GON4L: variants seen among roughly 807,000 people sequenced by gnomAD.
GON4L encodes GON-4-like protein.
Under a neutral mutation model 211.8 loss-of-function variants are expected in GON4L, and 87 were observed. The observed-to-expected ratio is 0.41, with a 90% CI of 0.35 to 0.49. The LOEUF (loss-of-function observed/expected upper bound fraction) is 0.49, where lower values mean the gene tolerates loss of function less well. GON4L is among the 20% of genes least tolerant of loss of function. The probability of loss-of-function intolerance (pLI) is 0.15; values close to 1 mark genes in which losing one functional copy is unlikely to be tolerated. For missense variants in GON4L, 2,155 were observed against 2,659.5 expected (o/e 0.81, Z 4.17); for synonymous variants, 875 against 962.6 (o/e 0.91, Z 1.68).
At chr1:155,769,582 T>C (rs1662960258) in intron 19 of GON4L, among the ~76,000 whole-genome samples, 1 of 151,856 alleles carries the variant, frequency 6.6e-6, no homozygotes, top group South Asian at 2.1e-4. Context: ...ATTAAGAAAA[T>C]TTAAGTAACC....
At chr1:155,762,956 A>G (rs931709342) in intron 22 of GON4L, among the ~76,000 whole-genome samples, 1 of 152,044 alleles carries the variant, frequency 6.6e-6, no homozygotes, top group Non-Finnish European at 1.5e-5. Context: ...GAATCGCTTG[A>G]ACCTGGGAGG....
intron 3 of GON4L, among the ~76,000 whole-genome samples, chr1:155,822,891 G>A (rs1193320280): frequency 6.6e-6 from 1 of 152,206 alleles, no homozygotes; most frequent in Non-Finnish European, 1.5e-5. Context: ...CGCCTCCTGG[G>A]TTCAAGTGAT....
chr1:155,821,220 C>G (rs1044693474), intron 5 of GON4L, among the ~76,000 whole-genome samples: 1 of 151,688 alleles, frequency 6.6e-6, no homozygotes, highest in African/African-American at 2.4e-5. Flanking sequence ...GAGCCAAGAT[C>G]GCGCCACTGC....
Position 155,762,240 on chromosome 1 carries a change from G to C in GON4L, c.4861C>G (p.Pro1621Ala), listed in dbSNP as rs369546574. The change falls in exon 23 of 32, where the codon CCA (proline) becomes GCA (alanine). Residue 1621 changes from proline (P) to alanine (A), a missense_variant. Transcript: ENST00000368331. ...GCCAAGTCCTTCTGCTCCCTGAGTG[G>C]ATCTCGCTCGAGAATGTCCTCATCA... ...LYDEDILERD[P>A]LREQKDLAFA... The C allele has an allele frequency of 6.2e-7, 1 of 1,611,648 alleles. No homozygotes were observed. The highest frequency in any genetic ancestry group is 1.3e-5 in the African/African-American group (1 of 74,924).
At chr1:155,772,966 G>C in intron 18 of GON4L, 100 bp downstream of exon 18, 2 of 1,464,806 alleles carry the variant, frequency 1.4e-6, no homozygotes, top group South Asian at 2.3e-5. Context: ...TTGTGTCCGT[G>C]TCTTATTATA....
At chr1:155,833,264 C>T (rs1669963186) in intron 2 of GON4L, among the ~76,000 whole-genome samples, 1 of 152,064 alleles carries the variant, frequency 6.6e-6, no homozygotes, top group Non-Finnish European at 1.5e-5. Flanking sequence ...CTTATAATTT[C>T]CTCCAGTTCC....
Position 155,813,560 on chromosome 1 carries a change from C to T in GON4L, c.1452+74G>A. On this transcript the variant is annotated intron_variant, in intron 10 of 31. Coordinates refer to ENST00000368331, the MANE Select transcript of GON4L (RefSeq NM_001282860.2). ...TATAAAATTGTAGTTATCTTTTCCT[C>T]TCCCTTCCCAGCCTGAGCAACAACT... 9.8e-6 allele frequency: 11 copies of T among 1,118,164 alleles called. No individual in the cohort carries two copies. The South Asian group carries it at 1.2e-4, about 13-fold the overall frequency. The allele number at this position is 1,118,164 out of a possible 1,614,324, so 69.3% of individuals were successfully genotyped here.
chr1:155,772,967 T>C lies in GON4L; in HGVS notation c.2495+99A>G. 2.0e-6 allele frequency: 3 copies of C among 1,473,536 alleles called. No homozygotes were observed. In the East Asian group the frequency reaches 6.8e-5, roughly 33 times the overall value. 91.3% of individuals were successfully genotyped at this position (1,473,536 alleles called of 1,614,324 possible). Reference sequence around the variant, plus strand: ...TTTCCTTTTGTCTTTTGTGTCCGTGTCTTATTATACAAGTCTTACTTCCCC... The same window carrying C: ...TTTCCTTTTGTCTTTTGTGTCCGTGCCTTATTATACAAGTCTTACTTCCCC... On this transcript the variant is annotated intron_variant, in intron 18 of 31. Coordinates refer to ENST00000368331, the MANE Select transcript of GON4L (RefSeq NM_001282860.2).
upstream of GON4L, among the ~76,000 whole-genome samples, chr1:155,858,110 T>G (rs1672422194): frequency 6.6e-6 from 1 of 152,168 alleles, no homozygotes; most frequent in Non-Finnish European, 1.5e-5. Flanking sequence ...TAATAATGCA[T>G]TGACCCAGTG....
intron 4 of GON4L, 92 bp from the exon 5 acceptor site, chr1:155,821,640 G>A (rs1216274337): frequency 1.0e-5 from 8 of 779,324 alleles, no homozygotes; most frequent in Non-Finnish European, 1.9e-5. Context: ...CTATGTACAG[G>A]ACAAATGAGA....
chr1:155,767,022 G>C (rs779167481), intron 20 of GON4L: 12 of 551,084 alleles, frequency 2.2e-5, no homozygotes, highest in African/African-American at 3.8e-5. Flanking sequence ...TGGGTGGACA[G>C]AGCAAGACTC....
intron 2 of GON4L, among the ~76,000 whole-genome samples, chr1:155,833,225 T>C (rs181643184): frequency 3.9e-5 from 6 of 152,302 alleles, no homozygotes; most frequent in African/African-American, 1.4e-4. Context: ...CCCATAGTTA[T>C]TTATCCATTC....
At chr1:155,795,173 G>C (rs760606257) in intron 11 of GON4L, 22 bp from the exon 12 acceptor site, 1 of 1,224,994 alleles carries the variant, frequency 8.2e-7, no homozygotes. Context: ...AAGTGTTTCA[G>C]ATGCTCATTA....
At chr1:155,843,105 C>T (rs773322932) in intron 2 of GON4L, among the ~76,000 whole-genome samples, 3 of 152,088 alleles carry the variant, frequency 2.0e-5, no homozygotes, top group Admixed American at 6.5e-5. Flanking sequence ...AAGTAGCAAC[C>T]ACCTCCTCCT....
chr1:155,767,393 C>T (rs778437791), intron 20 of GON4L, 32 bp downstream of exon 20: 4 of 1,613,902 alleles, frequency 2.5e-6, no homozygotes, highest in Non-Finnish European at 1.7e-6. Context: ...TGACCTTCTG[C>T]CTCCTACAGA....
intron 11 of GON4L, among the ~76,000 whole-genome samples, chr1:155,802,133 G>A (rs1215905395): frequency 3.3e-5 from 5 of 152,132 alleles, no homozygotes; most frequent in African/African-American, 1.2e-4. Context: ...AACTCTCACA[G>A]ATGCATACCA....
downstream of GON4L, chr1:155,745,794 G>A (rs372878305): frequency 9.5e-6 from 6 of 631,074 alleles, no homozygotes; most frequent in East Asian, 1.3e-4. Flanking sequence ...CGAGCGGCGC[G>A]GCTGAGGCGC....
In GON4L at chr1:155,795,934, G is replaced by A. The variant is rs191063656; in HGVS notation, c.1646-783C>T. 2.6e-5 allele frequency among the ~76,000 whole-genome samples: 4 copies of A among 152,174 alleles called. No homozygotes were observed. In the East Asian group the frequency reaches 7.7e-4, roughly 29 times the overall value. On this transcript the variant is annotated intron_variant, in intron 11 of 31. Transcript: ENST00000368331. The stretch of plus-strand genomic sequence containing the variant: ...ATTACAGTGTGAGCCATTGCACCCT[G>A]CCCAGATTTCAAATTTTCAAATTTA...
chr1:155,790,448 G>A (rs1243923128), intron 12 of GON4L, among the ~76,000 whole-genome samples: 4 of 148,122 alleles, frequency 2.7e-5, no homozygotes, highest in East Asian at 2.0e-4. Flanking sequence ...TCAGTATGTC[G>A]CCCAGCCGAT....
Sources: gnomAD v4.1 joint callset for allele counts (sites outside exome capture counted in the v4.1 genomes callset) on GRCh38, gnomAD v4.1.1 for gene constraint, MANE v1.5 for transcripts, NCBI Gene and HGNC (gene_info 2026-07-23, HGNC 2026-07-21) for gene names.